MRPS28: variants seen among roughly 807,000 people sequenced by gnomAD.
The protein encoded by MRPS28 is small ribosomal subunit protein bS1m.
In MRPS28, 7 loss-of-function variants were observed where a neutral mutation model predicts 10.8. That is an observed-to-expected ratio of 0.65 (90% CI 0.37 to 1.22). The LOEUF (loss-of-function observed/expected upper bound fraction) is 1.22, where lower values mean the gene tolerates loss of function less well. Among genes scored for constraint, MRPS28 ranks in the 50% most tolerant of loss-of-function variants. The probability of loss-of-function intolerance (pLI) is 0.02; values close to 1 mark genes in which losing one functional copy is unlikely to be tolerated. For synonymous variants in MRPS28, 121 were observed against 93.3 expected, an observed-to-expected ratio of 1.30 and a Z score of -1.71; for missense variants, 265 against 232.9, an observed-to-expected ratio of 1.14 and a Z score of -0.90.
chr8:79,924,927 C>A (rs1410829698), intron 2 of MRPS28, among the ~76,000 whole-genome samples: 1 of 152,122 alleles, frequency 6.6e-6, no homozygotes, highest in Non-Finnish European at 1.5e-5. Context: ...TATTTCTAGA[C>A]AATCTATTGA....
chr8:80,005,909 G>A (rs532109519), intron 1 of MRPS28, among the ~76,000 whole-genome samples: 1 of 152,286 alleles, frequency 6.6e-6, no homozygotes, highest in Non-Finnish European at 1.5e-5. Flanking sequence ...TAATGGTAAA[G>A]GGATCAATTC....
intron 2 of MRPS28, among the ~76,000 whole-genome samples, chr8:79,964,371 C>T (rs944865326): frequency 2.0e-5 from 3 of 152,032 alleles, no homozygotes; most frequent in African/African-American, 4.8e-5. Context: ...CACAATTCAG[C>T]GGAGACTATA....
rs531879569 is a variant in MRPS28, at chr8:79,979,709, C to T, written c.395+23290G>A. Among the ~76,000 whole-genome samples, 3 of 151,532 alleles carry T rather than the reference C, an allele frequency of 2.0e-5. No homozygotes were observed. The South Asian group carries it at 6.3e-4, about 32-fold the overall frequency. ...CATCCCAGGTCTGCTTTTTAACTAC[C>T]CTTATGAAAACTACCTGCCCTCCCC... is the stretch of plus-strand genomic sequence containing the variant. On this transcript the variant is annotated intron_variant, in intron 2 of 2. Transcript: ENST00000276585.
chr8:79,985,971 C>A lies in MRPS28; in HGVS notation c.395+17028G>T, dbSNP rs563909014. ...TACCAAAGCCTGGCAGAGACACAAC[C>A]AAAAAAGAGAATTTTAGACTAATAT... On this transcript the variant is annotated intron_variant, in intron 2 of 2. Transcript: ENST00000276585. 4.6e-5 allele frequency among the ~76,000 whole-genome samples: 7 copies of A among 151,626 alleles called. No individual in the cohort carries two copies. In the East Asian group the frequency reaches 7.7e-4, roughly 17 times the overall value.
chr8:80,000,842 T>A (rs1039647025), intron 2 of MRPS28, among the ~76,000 whole-genome samples: 6 of 152,164 alleles, frequency 3.9e-5, no homozygotes, highest in Admixed American at 6.5e-5. Context: ...CTGGGGCAAT[T>A]TAATTCTAGA....
intron 2 of MRPS28, among the ~76,000 whole-genome samples, chr8:79,931,236 C>A (rs1424583739): frequency 6.6e-6 from 1 of 152,004 alleles, no homozygotes; most frequent in African/African-American, 2.4e-5. Flanking sequence ...ATTCATTTCC[C>A]CTATCAAATT....
intron 2 of MRPS28, among the ~76,000 whole-genome samples, chr8:79,934,622 T>C (rs557681828): frequency 6.6e-6 from 1 of 152,316 alleles, no homozygotes; most frequent in South Asian, 2.1e-4. Context: ...GCAAGCCAAT[T>C]AAAGAATACT....
At chr8:79,957,816 A>AT (rs34460192) in intron 2 of MRPS28, 2 of 152,222 alleles carry the variant, frequency 1.3e-5, no homozygotes, top group African/African-American at 4.8e-5. Context: ...GAACAAGTGC[A>AT]TTTTTAACTC....
At chr8:80,007,940 A>G (rs1586093159) in intron 1 of MRPS28, among the ~76,000 whole-genome samples, 1 of 152,190 alleles carries the variant, frequency 6.6e-6, no homozygotes, top group African/African-American at 2.4e-5. Context: ...TTCATATGGA[A>G]CCAAAAAAGA....
At chr8:79,931,522 T>G (rs574550847) in intron 2 of MRPS28, among the ~76,000 whole-genome samples, 10 of 152,330 alleles carry the variant, frequency 6.6e-5, no homozygotes, top group Admixed American at 5.9e-4. Context: ...ATGATCATTA[T>G]GTAACCCTAG....
At chr8:79,924,262 C>G (rs1350400972) in intron 2 of MRPS28, among the ~76,000 whole-genome samples, 1 of 152,064 alleles carries the variant, frequency 6.6e-6, no homozygotes, top group Non-Finnish European at 1.5e-5. Flanking sequence ...TCTCACAATT[C>G]CTTAATTAGA....
rs1281775282 is a variant in MRPS28, at chr8:79,919,046, A to G, written c.498T>C (p.Asn166=). 2 of 1,607,676 alleles carry G rather than the reference A, an allele frequency of 1.2e-6. No homozygotes were observed. Among genetic ancestry groups the G allele is most frequent in the Admixed American group, 3.4e-5 (2 of 58,788 alleles). ...ATTDTTVLEA[N]AVLLGIQESK... ...TCTCCTGGATTCCCAAGAGAACTGCATTAGCCTCTAGTACAGTTGTATCTG... is the reference window on the plus strand; with the variant it reads ...TCTCCTGGATTCCCAAGAGAACTGCGTTAGCCTCTAGTACAGTTGTATCTG... The change falls in exon 3 of 3, where the codon AAT becomes AAC. Residue 166 remains asparagine (N), a synonymous_variant. Coordinates refer to ENST00000276585, the MANE Select transcript of MRPS28 (RefSeq NM_014018.3).
chr8:79,992,025 T>A (rs1194401424), intron 2 of MRPS28, among the ~76,000 whole-genome samples: 1 of 151,708 alleles, frequency 6.6e-6, no homozygotes, highest in Non-Finnish European at 1.5e-5. Flanking sequence ...AATGGTGAGA[T>A]TCATGTGCCA....
At chr8:79,988,603 A>G in intron 2 of MRPS28, among the ~76,000 whole-genome samples, 1 of 152,136 alleles carries the variant, frequency 6.6e-6, no homozygotes, top group East Asian at 1.9e-4. Flanking sequence ...TAAAAGAAAA[A>G]TGGATATGTA....
At chr8:80,005,580 T>G (rs1014095741) in intron 1 of MRPS28, among the ~76,000 whole-genome samples, 1 of 152,106 alleles carries the variant, frequency 6.6e-6, no homozygotes, top group South Asian at 2.1e-4. Context: ...CATAAACTAA[T>G]GAGCAAAACA....
intron 2 of MRPS28, among the ~76,000 whole-genome samples, chr8:79,988,464 A>AG (rs1385223248): frequency 1.3e-5 from 2 of 151,290 alleles, no homozygotes; most frequent in Non-Finnish European, 3.0e-5. Context: ...AATTAAAAAA[A>AG]GAAAGAAACC....
At chr8:80,008,616 T>C (rs2130185984) in intron 1 of MRPS28, among the ~76,000 whole-genome samples, 1 of 152,198 alleles carries the variant, frequency 6.6e-6, no homozygotes, top group African/African-American at 2.4e-5. Context: ...GGGTGAAGGA[T>C]ATGAACAGAC....
chr8:79,921,427 G>A (rs943631588), intron 2 of MRPS28, among the ~76,000 whole-genome samples: 4 of 151,746 alleles, frequency 2.6e-5, no homozygotes, highest in Non-Finnish European at 5.9e-5. Context: ...CATGAGCATG[G>A]AATGTTCTTC....
chr8:80,009,083 T>A (rs1008344604), intron 1 of MRPS28, among the ~76,000 whole-genome samples: 2 of 152,090 alleles, frequency 1.3e-5, no homozygotes, highest in African/African-American at 4.8e-5. Context: ...CACCATGGAA[T>A]ACTATGCAGC....
Sources: gnomAD v4.1 joint callset for allele counts (sites outside exome capture counted in the v4.1 genomes callset) on GRCh38, gnomAD v4.1.1 for gene constraint, MANE v1.5 for transcripts, NCBI Gene and HGNC (gene_info 2026-07-23, HGNC 2026-07-21) for gene names.